BTBD7: variants seen among roughly 807,000 people sequenced by gnomAD.
The protein encoded by BTBD7 is BTB/POZ domain-containing protein 7.
BTBD7 carries 38 observed loss-of-function variants against 99.9 expected under a neutral mutation model. That is an observed-to-expected ratio of 0.38 (90% CI 0.29 to 0.50). The LOEUF is 0.50. Among genes scored for constraint, BTBD7 ranks in the 20% least tolerant of loss-of-function variants. The pLI is 0.93. For missense variants in BTBD7, 1,170 were observed against 1,394.6 expected (o/e 0.84, Z 2.57); for synonymous variants, 520 against 511.4 (o/e 1.02, Z -0.23).
intron 3 of BTBD7, among the ~76,000 whole-genome samples, chr14:93,268,392 T>C (rs2052564529): frequency 6.6e-6 from 1 of 152,240 alleles, no homozygotes; most frequent in Admixed American, 6.5e-5. Flanking sequence ...CCAGACTAAG[T>C]TCCTTTTCGG....
In BTBD7 at chr14:93,248,490, C is replaced by T. The variant is rs1283192984; in HGVS notation, c.2107G>A (p.Ala703Thr). ...TCATTTCCTACCTGCAACAGCTCTGCAGCAGCATCTGCAAGACCAAACTCT... is the reference window on the plus strand; with the variant it reads ...TCATTTCCTACCTGCAACAGCTCTGTAGCAGCATCTGCAAGACCAAACTCT... ...LREFGLADAAAELLQNPHKFF... is the reference protein window; with the variant it reads ...LREFGLADAATELLQNPHKFF... Residue 703 changes from alanine (A) to threonine (T), a missense_variant, in exon 9 of 11, where the codon GCA becomes ACA. Transcript: ENST00000334746. 1 of 1,613,842 alleles carries T rather than the reference C, an allele frequency of 6.2e-7. No homozygotes were observed. The highest frequency in any genetic ancestry group is 8.5e-7 in the Non-Finnish European group (1 of 1,179,996).
chr14:93,300,250 CTTT>C (rs1443911973), intron 1 of BTBD7, among the ~76,000 whole-genome samples: 3 of 140,280 alleles, frequency 2.1e-5, no homozygotes, highest in African/African-American at 8.0e-5. Flanking sequence ...GAAGTTCTTT[CTTT>C]GTTCTTTTTT....
chr14:93,285,448 A>T (rs1417420200), intron 3 of BTBD7, among the ~76,000 whole-genome samples: 1 of 152,222 alleles, frequency 6.6e-6, no homozygotes, highest in Non-Finnish European at 1.5e-5. Context: ...TATTGTAAAG[A>T]TTGAAAAATG....
At chr14:93,299,835 G>T (rs1242801170) in intron 1 of BTBD7, among the ~76,000 whole-genome samples, 1 of 152,006 alleles carries the variant, frequency 6.6e-6, no homozygotes, top group Non-Finnish European at 1.5e-5. Flanking sequence ...TTTAGAAAAT[G>T]TAGGATTAAA....
rs57228905 is a variant in BTBD7, at chr14:93,300,704, T to TTGTGTG, written c.-106-4553_-106-4548dup. Among the ~76,000 whole-genome samples, 225 of 87,074 alleles carry TTGTGTG rather than the reference T, an allele frequency of 2.6e-3. 4 individuals carry two copies. Among genetic ancestry groups the TTGTGTG allele is most frequent in the Non-Finnish European group, 3.3e-3 (151 of 45,630 alleles). 57.1% of individuals were successfully genotyped at this position (87,074 alleles called of 152,430 possible). On this transcript the variant is annotated intron_variant, in intron 1 of 10. Coordinates refer to ENST00000334746, the MANE Select transcript of BTBD7 (RefSeq NM_001002860.4). ...GCGTGTGCCATCATGCCCAGCTAAT[T>TTGTGTG]TGTGTGTGTGTGTGTGTGTGTGTGT...
intron 10 of BTBD7, 101 bp downstream of exon 10, chr14:93,245,724 C>G: frequency 6.6e-7 from 1 of 1,513,324 alleles, no homozygotes; most frequent in Non-Finnish European, 8.8e-7. Flanking sequence ...AGCAATACTT[C>G]TGGGCACTGC....
At chr14:93,296,545 T>C (rs2052928880) in intron 1 of BTBD7, among the ~76,000 whole-genome samples, 2 of 152,186 alleles carry the variant, frequency 1.3e-5, no homozygotes, top group South Asian at 4.1e-4. Flanking sequence ...TTTACAAACA[T>C]TTAAGAGGTC....
chr14:93,275,372 AT>A (rs2052643460), intron 3 of BTBD7, among the ~76,000 whole-genome samples: 1 of 152,170 alleles, frequency 6.6e-6, no homozygotes, highest in African/African-American at 2.4e-5. Flanking sequence ...AGAATATATA[AT>A]TTGTATTTTA....
intron 5 of BTBD7, among the ~76,000 whole-genome samples, chr14:93,257,894 A>G (rs1031907263): frequency 1.3e-5 from 2 of 149,944 alleles, no homozygotes; most frequent in Non-Finnish European, 2.9e-5. Context: ...AAATTTCCAT[A>G]ATATGGGAAC....
intron 1 of BTBD7, among the ~76,000 whole-genome samples, chr14:93,314,203 C>T (rs889768911): frequency 6.6e-6 from 1 of 151,852 alleles, no homozygotes; most frequent in Non-Finnish European, 1.5e-5. Context: ...AGTAACAAAC[C>T]CAGAGTAGTC....
Position 93,240,817 on chromosome 14 carries a change from A to C in BTBD7, c.*1456T>G, listed in dbSNP as rs1199761375. 6.6e-6 allele frequency: 1 copy of C among 152,646 alleles called. No individual in the cohort carries two copies. The highest frequency in any genetic ancestry group is 1.5e-5 in the Non-Finnish European group (1 of 68,034). The allele number at this position is 152,646 out of a possible 1,614,324, so 9.5% of individuals were successfully genotyped here. On this transcript the variant is annotated 3_prime_UTR_variant, in exon 11 of 11. Coordinates refer to ENST00000334746, the MANE Select transcript of BTBD7 (RefSeq NM_001002860.4). ...ACCCCATGTGCTCAGTGGTTTAGTAAATGCCAAACCAGCGTCCCAGTGGAG... is the reference window on the plus strand; with the variant it reads ...ACCCCATGTGCTCAGTGGTTTAGTACATGCCAAACCAGCGTCCCAGTGGAG...
chr14:93,242,144 A>T lies in BTBD7; in HGVS notation c.*129T>A. On this transcript the variant is annotated 3_prime_UTR_variant, in exon 11 of 11. Transcript: ENST00000334746. Reference sequence around the variant, plus strand: ...ATGTCTAATAAACACATATATACACAAAAACTAGAACAAAATCATGTGAAA... The same window carrying T: ...ATGTCTAATAAACACATATATACACTAAAACTAGAACAAAATCATGTGAAA... 1.2e-6 allele frequency: 1 copy of T among 866,548 alleles called. No individual in the cohort carries two copies. Among genetic ancestry groups the T allele is most frequent in the African/African-American group, 1.7e-5 (1 of 58,860 alleles). The allele number at this position is 866,548 out of a possible 1,614,324, so 53.7% of individuals were successfully genotyped here. A position where few individuals can be genotyped will look rare whatever the true frequency, so the allele number is the denominator to read the frequency against.
chr14:93,276,670 A>G (rs2052659377), intron 3 of BTBD7, among the ~76,000 whole-genome samples: 1 of 152,078 alleles, frequency 6.6e-6, no homozygotes, highest in Non-Finnish European at 1.5e-5. Context: ...AGAGGCAATC[A>G]CTGAGATTGA....
chr14:93,238,165 C>G lies in BTBD7; in HGVS notation c.*4108G>C, dbSNP rs1242000475. 6.6e-6 allele frequency: 1 copy of G among 152,532 alleles called. No individual in the cohort carries two copies. Among genetic ancestry groups the G allele is most frequent in the Non-Finnish European group, 1.5e-5 (1 of 68,026 alleles). The allele number at this position is 152,532 out of a possible 1,614,324, so 9.4% of individuals were successfully genotyped here. A position where few individuals can be genotyped will look rare whatever the true frequency, so the allele number is the denominator to read the frequency against. On this transcript the variant is annotated 3_prime_UTR_variant, in exon 11 of 11. Transcript: ENST00000334746. The stretch of plus-strand genomic sequence containing the variant: ...CAAATACAAGAGGTTATTTTCAAGA[C>G]ACACACTTGCAAGTAATCTTTCTAT...
chr14:93,274,709 T>C (rs2052636361), intron 3 of BTBD7, among the ~76,000 whole-genome samples: 1 of 152,140 alleles, frequency 6.6e-6, no homozygotes, highest in Admixed American at 6.6e-5. Flanking sequence ...CAAAATAAAC[T>C]TTTTGCTTGC....
chr14:93,263,622 G>A (rs1170539807), intron 4 of BTBD7, among the ~76,000 whole-genome samples, 163 bp downstream of exon 4: 1 of 152,218 alleles, frequency 6.6e-6, no homozygotes, highest in Non-Finnish European at 1.5e-5. Context: ...CAGTGAGCCA[G>A]AAGGCTTTTG....
At chr14:93,284,455 C>A (rs1336525383) in intron 3 of BTBD7, among the ~76,000 whole-genome samples, 1 of 146,000 alleles carries the variant, frequency 6.8e-6, no homozygotes, top group Non-Finnish European at 1.5e-5. Context: ...ATCCCACTCC[C>A]CACTTTTTTT....
intron 3 of BTBD7, 26 bp downstream of exon 3, chr14:93,293,832 C>T (rs1319198251): frequency 6.4e-6 from 10 of 1,571,338 alleles, no homozygotes; most frequent in African/African-American, 1.4e-5. Context: ...TTCTATAAAT[C>T]AGAATTAAAA....
intron 3 of BTBD7, among the ~76,000 whole-genome samples, chr14:93,282,793 G>C (rs1282718858): frequency 6.6e-6 from 1 of 151,994 alleles, no homozygotes; most frequent in Non-Finnish European, 1.5e-5. Context: ...CAAATCACCT[G>C]TATCTTAGAC....
Sources: allele counts gnomAD v4.1 joint callset (sites outside exome capture counted in the v4.1 genomes callset), GRCh38; gene constraint gnomAD v4.1.1; transcripts MANE v1.5; gene names NCBI Gene and HGNC (gene_info 2026-07-23, HGNC 2026-07-21).